Variants in DOCK3 observed in about 807,000 individuals in gnomAD.
DOCK3 encodes the protein dedicator of cytokinesis protein 3.
DOCK3 carries 60 observed loss-of-function variants against 265.6 expected under a neutral mutation model. That is an observed-to-expected ratio of 0.23 (90% CI 0.18 to 0.28). The LOEUF (loss-of-function observed/expected upper bound fraction) is 0.28. Among genes scored for constraint, DOCK3 ranks in the 10% least tolerant of loss-of-function variants. The probability of loss-of-function intolerance (pLI) is 1.00; values close to 1 mark genes in which losing one functional copy is unlikely to be tolerated. For missense variants in DOCK3, 1,981 were observed against 2,594.3 expected (o/e 0.76, Z 5.14); for synonymous variants, 881 against 938.0 (o/e 0.94, Z 1.11).
At chr3:51,317,582 A>AATAATC (rs2083440826) in intron 32 of DOCK3, among the ~76,000 whole-genome samples, 1 of 18,958 alleles carries the variant, frequency 5.3e-5, no homozygotes, top group South Asian at 4.0e-3. Flanking sequence ...TCCATCACAA[A>AATAATC]ATAATAATAA....
At chr3:50,738,715 G>A (rs1219997330) in intron 1 of DOCK3, among the ~76,000 whole-genome samples, 1 of 152,052 alleles carries the variant, frequency 6.6e-6, no homozygotes, top group African/African-American at 2.4e-5. Flanking sequence ...TTTATGGTGA[G>A]GTACTATTCC....
intron 5 of DOCK3, among the ~76,000 whole-genome samples, chr3:50,945,741 A>G (rs575383308): frequency 6.6e-6 from 1 of 152,264 alleles, no homozygotes; most frequent in African/African-American, 2.4e-5. Context: ...GCACCTTTAT[A>G]TATTCAGATT....
chr3:51,149,613 A>G (rs1576243884), intron 10 of DOCK3, among the ~76,000 whole-genome samples: 1 of 152,048 alleles, frequency 6.6e-6, no homozygotes, highest in South Asian at 2.1e-4. Flanking sequence ...GGTTTTTGTC[A>G]TTGGTTCTGT....
At chr3:51,237,413 G>A in intron 20 of DOCK3, 77 bp from the exon 21 acceptor site, 1 of 1,239,258 alleles carries the variant, frequency 8.1e-7, no homozygotes, top group Non-Finnish European at 1.2e-6. Flanking sequence ...ATTTGGAGAA[G>A]GAAGACTCTG....
chr3:51,275,440 T>C (rs766439751), intron 25 of DOCK3, among the ~76,000 whole-genome samples: 2 of 152,148 alleles, frequency 1.3e-5, no homozygotes, highest in Non-Finnish European at 2.9e-5. Context: ...CCCAGAAATA[T>C]AGTTATCTGT....
Position 50,999,680 on chromosome 3 carries a change from C to T in DOCK3, c.316-64768C>T, listed in dbSNP as rs903840128. 2.6e-5 allele frequency among the ~76,000 whole-genome samples: 4 copies of T among 152,142 alleles called. No homozygotes were observed. The East Asian group carries it at 7.7e-4, about 29-fold the overall frequency. On this transcript the variant is annotated intron_variant, in intron 5 of 52. Transcript: ENST00000266037. ...TGGTGTTCAATAGGAATCTCAAACTCAACATGTGCAAAAAAAAGGCTTAGA... is the reference window on the plus strand; with the variant it reads ...TGGTGTTCAATAGGAATCTCAAACTTAACATGTGCAAAAAAAAGGCTTAGA...
chr3:50,926,161 G>A (rs140626575), intron 4 of DOCK3, among the ~76,000 whole-genome samples: 1 of 152,080 alleles, frequency 6.6e-6, no homozygotes. Flanking sequence ...TTGTGCCCGA[G>A]TGCTTCTCTC....
At chr3:50,748,558 G>A (rs938331457) in intron 1 of DOCK3, among the ~76,000 whole-genome samples, 6 of 152,120 alleles carry the variant, frequency 3.9e-5, no homozygotes, top group African/African-American at 1.2e-4. Context: ...ATGTTTGTCC[G>A]CTCTTCAAGG....
At chr3:51,070,433 G>T (rs1174525480) in intron 6 of DOCK3, among the ~76,000 whole-genome samples, 1 of 152,068 alleles carries the variant, frequency 6.6e-6, no homozygotes, top group African/African-American at 2.4e-5. Flanking sequence ...CCTTTAACAG[G>T]CCACTTAGTT....
chr3:50,807,618 C>T (rs1467424367), intron 2 of DOCK3, among the ~76,000 whole-genome samples: 1 of 152,090 alleles, frequency 6.6e-6, no homozygotes. Flanking sequence ...AGGTAGGAAA[C>T]ATACAGAATG....
chr3:50,790,352 T>A (rs1576442083), intron 2 of DOCK3, among the ~76,000 whole-genome samples: 1 of 152,298 alleles, frequency 6.6e-6, no homozygotes, highest in East Asian at 1.9e-4. Context: ...ATTGTGGTTG[T>A]TGCCTGAATA....
At chr3:51,204,640 A>G (rs1299611829) in intron 12 of DOCK3, among the ~76,000 whole-genome samples, 2 of 143,788 alleles carry the variant, frequency 1.4e-5, no homozygotes, top group Non-Finnish European at 3.0e-5. Flanking sequence ...TAGAAATACC[A>G]TTTGACCCAG....
chr3:51,120,438 G>A (rs1427134308), intron 9 of DOCK3, among the ~76,000 whole-genome samples: 2 of 152,158 alleles, frequency 1.3e-5, no homozygotes, highest in Non-Finnish European at 2.9e-5. Context: ...CAGGAGGCAC[G>A]GGGGTCAAGG....
intron 1 of DOCK3, among the ~76,000 whole-genome samples, chr3:50,697,819 G>A (rs1380057998): frequency 6.6e-6 from 1 of 152,060 alleles, no homozygotes; most frequent in Non-Finnish European, 1.5e-5. Context: ...TGTGACTGGA[G>A]AGACACCTGT....
chr3:51,362,771 C>T (rs2086831053), intron 49 of DOCK3, 97 bp downstream of exon 49: 4 of 1,487,428 alleles, frequency 2.7e-6, no homozygotes, highest in South Asian at 1.3e-5. Context: ...TTTGAGCAGC[C>T]CTGTGACTTA....
intron 1 of DOCK3, among the ~76,000 whole-genome samples, chr3:50,721,300 T>G (rs1021060365): frequency 2.6e-5 from 4 of 152,232 alleles, no homozygotes; most frequent in African/African-American, 7.2e-5. Context: ...CTAGGTTTTC[T>G]TCTAAGATTT....
chr3:51,232,883 TC>T (rs2078186218), intron 19 of DOCK3, among the ~76,000 whole-genome samples: 2 of 152,102 alleles, frequency 1.3e-5, no homozygotes, highest in African/African-American at 4.8e-5. Context: ...GAGTATGGAG[TC>T]CTGTCCCTGT....
intron 23 of DOCK3, among the ~76,000 whole-genome samples, chr3:51,269,770 AAAT>A (rs2080399369): frequency 6.6e-6 from 1 of 152,228 alleles, no homozygotes; most frequent in African/African-American, 2.4e-5. Flanking sequence ...AGACAAGAGA[AAAT>A]AATAAGAACC....
At chr3:51,148,753 G>A (rs1339081962) in intron 10 of DOCK3, among the ~76,000 whole-genome samples, 1 of 152,202 alleles carries the variant, frequency 6.6e-6, no homozygotes. Context: ...TAGCCTTGTA[G>A]TATAGTTTGA....
Sources: allele counts gnomAD v4.1 joint callset (sites outside exome capture counted in the v4.1 genomes callset), GRCh38; gene constraint gnomAD v4.1.1; transcripts MANE v1.5; gene names NCBI Gene and HGNC (gene_info 2026-07-23, HGNC 2026-07-21).